Variants in PCLO observed in about 807,000 individuals in gnomAD.
PCLO encodes protein piccolo.
Under a neutral mutation model 427.5 loss-of-function variants are expected in PCLO, and 82 were observed. The ratio of observed to expected loss-of-function variants is 0.19; its 90% confidence interval spans 0.16 to 0.23. The LOEUF (loss-of-function observed/expected upper bound fraction) is 0.23. Among genes scored for constraint, PCLO ranks in the 10% least tolerant of loss-of-function variants. The pLI, the probability that PCLO is intolerant of heterozygous loss-of-function variation, is 1.00. For missense variants in PCLO, 6,239 were observed against 6,115.9 expected (o/e 1.02, Z -0.67); for synonymous variants, 2,357 against 2,155.4 (o/e 1.09, Z -2.59).
Position 82,760,656 on chromosome 7 carries a change from C to G in PCLO, c.15271G>C (p.Ala5091Pro). ...AGAGCTACCTGAAGAGAATGTCCTG[C>G]AGGACTTAGACTGAATCGAAAAGTT... is the stretch of plus-strand genomic sequence containing the variant. ...NETFRFSLSP[A>P]GHSLQILLFS... The change falls in exon 24 of 25, where the codon GCA becomes CCA. Residue 5091 changes from alanine (A) to proline (P), a missense_variant. This residue lies in a region of PCLO where 877 missense variants were observed against 925.5 expected (regional missense o/e 0.95). Transcript: ENST00000333891. 3 of 1,599,936 alleles carry G rather than the reference C, an allele frequency of 1.9e-6. No homozygotes were observed. Among genetic ancestry groups the G allele is most frequent in the Non-Finnish European group, 2.6e-6 (3 of 1,173,662 alleles).
chr7:82,893,500 C>G (rs1028764425), intron 9 of PCLO, among the ~76,000 whole-genome samples: 1 of 151,704 alleles, frequency 6.6e-6, no homozygotes, highest in Non-Finnish European at 1.5e-5. Context: ...TGCAGCACAC[C>G]AACATGGCAC....
Position 83,065,056 on chromosome 7 carries a change from C to CA in PCLO, c.3300+69193dup, listed in dbSNP as rs61255338. 4.4e-4 allele frequency among the ~76,000 whole-genome samples: 61 copies of CA among 140,162 alleles called. 1 individual carries two copies. The highest frequency in any genetic ancestry group is 7.7e-4 in the Non-Finnish European group (49 of 63,900). 92.0% of individuals were successfully genotyped at this position (140,162 alleles called of 152,430 possible). On this transcript the variant is annotated intron_variant, in intron 3 of 24. Coordinates refer to ENST00000333891, the MANE Select transcript of PCLO (RefSeq NM_033026.6). ...AACCATCTTTGCAAAGCTTGGGTTC[C>CA]AAAAAAAAAAAAAAAGAGAGACTAA...
chr7:83,059,313 T>C (rs1789480315), intron 3 of PCLO, among the ~76,000 whole-genome samples: 3 of 142,474 alleles, frequency 2.1e-5, no homozygotes, highest in African/African-American at 7.6e-5. Flanking sequence ...ATATATTATA[T>C]TTATATATTA....
chr7:83,087,761 T>A (rs78637561), intron 3 of PCLO, among the ~76,000 whole-genome samples: 2,232 of 152,170 alleles, frequency 0.015, 45 homozygotes, highest in Non-Finnish European at 0.022. Context: ...ATGAGTTATA[T>A]CAGGCAAAGA....
chr7:82,917,946 A>C (rs77292573), intron 6 of PCLO, among the ~76,000 whole-genome samples: 3,115 of 152,066 alleles, frequency 0.02, 113 homozygotes, highest in African/African-American at 0.071. Flanking sequence ...TTTCCAAATT[A>C]ATTTCCTTAA....
intron 22 of PCLO, among the ~76,000 whole-genome samples, chr7:82,794,450 A>ATTTTTTTTTATTTTTTTTTTTTT (rs141105612): frequency 1.6e-5 from 1 of 62,030 alleles, no homozygotes; most frequent in Non-Finnish European, 3.9e-5. Context: ...TAGTTCATAA[A>ATTTTTTTTTATTTTTTTTTTTTT]TTTTTTTTCT....
intron 6 of PCLO, among the ~76,000 whole-genome samples, chr7:82,949,240 T>G (rs10245712): frequency 0.056 from 8,559 of 151,990 alleles, 791 homozygotes; most frequent in African/African-American, 0.2. Flanking sequence ...TATTTTTAAG[T>G]GAATGTATGG....
chr7:82,806,721 T>C (rs1005248717), intron 20 of PCLO, among the ~76,000 whole-genome samples: 1 of 152,180 alleles, frequency 6.6e-6, no homozygotes, highest in African/African-American at 2.4e-5. Flanking sequence ...CCCAACCCAC[T>C]CTTTAGCAAC....
At chr7:83,028,965 G>C (rs1363639171) in intron 3 of PCLO, among the ~76,000 whole-genome samples, 5 of 152,008 alleles carry the variant, frequency 3.3e-5, no homozygotes, top group Admixed American at 1.3e-4. Context: ...ATTCAAGATG[G>C]ATTAAAGACT....
chr7:83,050,104 T>C (rs924814683), intron 3 of PCLO, among the ~76,000 whole-genome samples: 4 of 148,464 alleles, frequency 2.7e-5, no homozygotes, highest in African/African-American at 7.4e-5. Flanking sequence ...TGTGTGATGG[T>C]TGAGGGCTTG....
intron 6 of PCLO, among the ~76,000 whole-genome samples, chr7:82,939,106 A>G (rs1446079633): frequency 6.6e-6 from 1 of 152,092 alleles, no homozygotes; most frequent in Non-Finnish European, 1.5e-5. Context: ...GTCCATAAAG[A>G]CAGACTGTAG....
intron 20 of PCLO, among the ~76,000 whole-genome samples, chr7:82,807,865 T>C (rs1177873951): frequency 6.6e-6 from 1 of 152,042 alleles, no homozygotes; most frequent in Non-Finnish European, 1.5e-5. Context: ...AAGGAATTGC[T>C]AGTAACCCAC....
At position 82,966,026 on chromosome 7, in the gene PCLO, T is replaced by C. The variant is rs750117704; in HGVS notation, c.3762A>G (p.Thr1254=). The C allele has an allele frequency of 1.2e-5, 20 of 1,613,398 alleles. No individual in the cohort carries two copies. In the Admixed American group the frequency reaches 2.0e-4, roughly 16 times the overall value. The change falls in exon 4 of 25, where the codon ACA becomes ACG. Residue 1254 remains threonine (T), a synonymous_variant. Coordinates refer to ENST00000333891, the MANE Select transcript of PCLO (RefSeq NM_033026.6). The part of the protein sequence containing the change: ...EDKKLLPEAK[T]SAPEEQKHDL... Reference sequence around the variant, plus strand: ...CATGTTTCTGTTCTTCTGGGGCTGATGTTTTTGCCTCTGGGAGTAGCTTTT... The same window carrying C: ...CATGTTTCTGTTCTTCTGGGGCTGACGTTTTTGCCTCTGGGAGTAGCTTTT...
intron 22 of PCLO, among the ~76,000 whole-genome samples, chr7:82,794,456 T>TTCTG (rs1791176405): frequency 9.9e-5 from 9 of 91,100 alleles, no homozygotes; most frequent in African/African-American, 5.0e-4. Flanking sequence ...ATAAATTTTT[T>TTCTG]TTCTTTTTTT....
At chr7:82,819,016 C>T (rs1791735058) in intron 20 of PCLO, among the ~76,000 whole-genome samples, 1 of 152,076 alleles carries the variant, frequency 6.6e-6, no homozygotes, top group African/African-American at 2.4e-5. Flanking sequence ...TGTATCTCTG[C>T]CTAGTTTTTC....
intron 3 of PCLO, among the ~76,000 whole-genome samples, chr7:83,049,345 G>A (rs1162142664): frequency 6.6e-6 from 1 of 152,118 alleles, no homozygotes; most frequent in East Asian, 1.9e-4. Flanking sequence ...TCAAGTCCAA[G>A]TTCCTACAGT....
In PCLO at chr7:83,155,629, G is replaced by A. The variant is rs1340596306; in HGVS notation, c.1012C>T (p.Leu338=). 6.2e-7 allele frequency: 1 copy of A among 1,610,952 alleles called. No individual in the cohort carries two copies. Among genetic ancestry groups the A allele is most frequent in the Non-Finnish European group, 8.5e-7 (1 of 1,179,146 alleles). ...GGTTGTTGAGCCAATGGCTTTGTTAGCCCTGAGGGCTGAGCTGGGGGCTTT... is the reference window on the plus strand; with the variant it reads ...GGTTGTTGAGCCAATGGCTTTGTTAACCCTGAGGGCTGAGCTGGGGGCTTT... ...PAKPPAQPSG[L]TKPLAQQPGT... The change falls in exon 2 of 25, where the codon CTA becomes TTA. Residue 338 remains leucine, a synonymous_variant. Coordinates refer to ENST00000333891, the MANE Select transcript of PCLO (RefSeq NM_033026.6).
At chr7:83,063,086 A>G (rs933887783) in intron 3 of PCLO, among the ~76,000 whole-genome samples, 10 of 152,100 alleles carry the variant, frequency 6.6e-5, no homozygotes, top group African/African-American at 2.2e-4. Context: ...CAATCTAGGT[A>G]AAATTTTATT....
rs1374817445 is a variant in PCLO at position 82,915,357 on chromosome 7, C to T, written c.12629G>A (p.Arg4210Lys). The change falls in exon 7 of 25, where the codon AGA (arginine) becomes AAA (lysine). Residue 4210 changes from arginine to lysine, a missense_variant. By Grantham distance (26) the Arg-to-Lys change is conservative. Around this residue, in one of 5 missense-constraint regions of PCLO, gnomAD observed 680 missense variants for 677.3 expected, o/e 1.00. Transcript: ENST00000333891. ...MSKFSPIQES[R>K]DLEPDYSSYM... is the part of the protein sequence containing the mutation. ...GCTTGAATAATCAGGTTCAAGGTCT[C>T]TACTTTCTTGAATAGGTGAAAATTT... The T allele has an allele frequency of 2.5e-6, 4 of 1,613,260 alleles. No homozygotes were observed. In the Admixed American group the frequency reaches 6.7e-5, roughly 27 times the overall value.
Sources: gnomAD v4.1 joint callset for allele counts (sites outside exome capture counted in the v4.1 genomes callset) on GRCh38, gnomAD v4.1.1 for gene constraint, gnomAD v4.1.1 regional missense constraint, MANE v1.5 for transcripts, NCBI Gene and HGNC (gene_info 2026-07-23, HGNC 2026-07-21) for gene names.